The following HVCN1 variants were observed in gnomAD, a reference collection of about 807,000 sequenced individuals.
The protein encoded by HVCN1 is voltage-gated hydrogen channel 1.
Under a neutral mutation model 29.2 loss-of-function variants are expected in HVCN1, and 14 were observed. The ratio of observed to expected loss-of-function variants is 0.48; its 90% CI spans 0.32 to 0.75. The LOEUF (loss-of-function observed/expected upper bound fraction) is 0.75, where lower values mean the gene tolerates loss of function less well. Ranked by LOEUF, HVCN1 falls within the 30% of genes least tolerant of loss-of-function variation. The pLI is 0.04. For missense variants in HVCN1, 263 were observed against 341.8 expected (o/e 0.77, Z 1.82); for synonymous variants, 131 against 133.2 (o/e 0.98, Z 0.11).
chr12:110,650,356 C>A (rs954201735), intron 6 of HVCN1, 76 bp from the exon 7 acceptor site: 10 of 867,012 alleles, frequency 1.2e-5, no homozygotes, highest in Non-Finnish European at 1.7e-5. Flanking sequence ...TATTCTTACA[C>A]CTGTATAGAG....
intron 4 of HVCN1, among the ~76,000 whole-genome samples, chr12:110,656,001 A>G (rs574556729): frequency 4.3e-4 from 65 of 152,260 alleles, no homozygotes; most frequent in Non-Finnish European, 9.0e-4. Flanking sequence ...CACCGTGCCC[A>G]GGCAAGTTTG....
chr12:110,649,640 C>T (rs761012205), intron 7 of HVCN1, among the ~76,000 whole-genome samples, 165 bp from the exon 8 acceptor site: 1 of 152,088 alleles, frequency 6.6e-6, no homozygotes, highest in Non-Finnish European at 1.5e-5. Flanking sequence ...AGATAGGCTT[C>T]ACTGAGCAGC....
At chr12:110,678,896 C>T (rs889322422) in intron 3 of HVCN1, among the ~76,000 whole-genome samples, 1 of 152,200 alleles carries the variant, frequency 6.6e-6, no homozygotes, top group African/African-American at 2.4e-5. Context: ...TGGTCCAAGC[C>T]TGTGACTTCA....
chr12:110,691,733 G>A (rs958517145), upstream of HVCN1, among the ~76,000 whole-genome samples: 3 of 152,318 alleles, frequency 2.0e-5, no homozygotes, highest in African/African-American at 7.2e-5. Context: ...GCTAAGGCAA[G>A]GCAAGGCTCA....
At position 110,648,837 on chromosome 12, in the gene HVCN1, G is replaced by A. The variant is rs2067614544; in HGVS notation, c.*573C>T. The A allele has an allele frequency of 5.5e-6, 2 of 364,062 alleles. No homozygotes were observed. The highest frequency in any genetic ancestry group is 2.2e-5 in the African/African-American group (1 of 46,410). The allele number at this position is 364,062 out of a possible 1,614,324, so 22.6% of individuals were successfully genotyped here. ...AGTTGTTTTATTTTATACAGTAGTT[G>A]TACAGTAATTGAGGAAAAATGTTGT... On this transcript the variant is annotated 3_prime_UTR_variant, in exon 8 of 8. Transcript: ENST00000242607.
intron 5 of HVCN1, 66 bp downstream of exon 5, chr12:110,655,168 C>T: frequency 8.3e-7 from 1 of 1,210,970 alleles, no homozygotes. Context: ...CACTCTGCAC[C>T]CCGTCTGTGC....
At chr12:110,678,348 T>C (rs2068817133) in intron 3 of HVCN1, among the ~76,000 whole-genome samples, 1 of 151,364 alleles carries the variant, frequency 6.6e-6, no homozygotes, top group African/African-American at 2.4e-5. Context: ...ATACCCTGCA[T>C]CTCAGTACAC....
rs1272738656 is a variant in HVCN1, at chr12:110,676,219, C to T, written c.21+7006G>A. 2.0e-5 allele frequency among the ~76,000 whole-genome samples: 3 copies of T among 152,226 alleles called. No homozygotes were observed. The highest frequency in any genetic ancestry group is 4.8e-5 in the African/African-American group (2 of 41,458). Reference sequence around the variant, plus strand: ...TGATCTGCCACCTACTTCCCCCACCCTCTGCCACTGCCCTGGCCAACCCCC... The same window carrying T: ...TGATCTGCCACCTACTTCCCCCACCTTCTGCCACTGCCCTGGCCAACCCCC... On this transcript the variant is annotated intron_variant, in intron 3 of 7. Coordinates refer to ENST00000242607, the MANE Select transcript of HVCN1 (RefSeq NM_032369.4). This position sits in a 1 kb window ranked among gnomAD's most constrained non-coding sequence, Gnocchi z 4.1.
intron 2 of HVCN1, among the ~76,000 whole-genome samples, chr12:110,697,228 A>C (rs919131648): frequency 2.9e-4 from 44 of 152,068 alleles, no homozygotes; most frequent in Non-Finnish European, 5.3e-4. Context: ...CTTGGGCGTC[A>C]TCAGTGCACA....
intron 3 of HVCN1, among the ~76,000 whole-genome samples, chr12:110,667,724 C>CT (rs2068421786): frequency 6.6e-6 from 1 of 152,190 alleles, no homozygotes; most frequent in Non-Finnish European, 1.5e-5. Flanking sequence ...GAGCCCATGC[C>CT]TGACCCCATA....
intron 5 of HVCN1, among the ~76,000 whole-genome samples, chr12:110,653,903 A>C (rs569144733): frequency 6.6e-6 from 1 of 152,162 alleles, no homozygotes; most frequent in Non-Finnish European, 1.5e-5. Context: ...TATTGATCTT[A>C]TTTTAGATCT....
intron 4 of HVCN1, among the ~76,000 whole-genome samples, chr12:110,657,206 C>G (rs566528384): frequency 1.3e-5 from 2 of 152,268 alleles, no homozygotes; most frequent in Admixed American, 1.3e-4. Flanking sequence ...TTTGAAAATG[C>G]TCTGGGGCCG....
intron 2 of HVCN1, among the ~76,000 whole-genome samples, chr12:110,701,513 T>C (rs1339201962): frequency 6.6e-6 from 1 of 152,148 alleles, no homozygotes; most frequent in Non-Finnish European, 1.5e-5. Flanking sequence ...CTGAATTAGG[T>C]GACCTGGGAT....
intron 3 of HVCN1, among the ~76,000 whole-genome samples, chr12:110,666,982 A>G (rs1003023449): frequency 6.6e-6 from 1 of 152,076 alleles, no homozygotes; most frequent in Non-Finnish European, 1.5e-5. Context: ...CCTGACCTTG[A>G]GCAGAAGCCC....
upstream of HVCN1, among the ~76,000 whole-genome samples, chr12:110,691,072 T>C: frequency 6.8e-6 from 1 of 146,502 alleles, no homozygotes; most frequent in East Asian, 2.1e-4. Context: ...GGCTTTCTTT[T>C]TTCTTTTTGA....
intron 2 of HVCN1, among the ~76,000 whole-genome samples, chr12:110,683,963 T>G (rs1217169423): frequency 6.0e-5 from 9 of 149,566 alleles, no homozygotes; most frequent in Non-Finnish European, 1.2e-4. Context: ...GTATTGATAC[T>G]TATTACAATG....
At chr12:110,688,978 G>GC (rs1491097885) in intron 1 of HVCN1, 102 bp downstream of exon 1, 1 of 13,808 alleles carries the variant, frequency 7.2e-5, no homozygotes, top group East Asian at 8.0e-4. Flanking sequence ...GCGGAGATGC[G>GC]GGGGGGGGTC....
At chr12:110,669,363 G>C (rs1225092557) in intron 3 of HVCN1, among the ~76,000 whole-genome samples, 2 of 152,004 alleles carry the variant, frequency 1.3e-5, no homozygotes, top group Non-Finnish European at 2.9e-5. Flanking sequence ...ATGCCAACCT[G>C]ACTGTGTCCC....
At chr12:110,667,053 C>T (rs1057263603) in intron 3 of HVCN1, among the ~76,000 whole-genome samples, 3 of 152,158 alleles carry the variant, frequency 2.0e-5, no homozygotes, top group African/African-American at 7.2e-5. Flanking sequence ...CTCATCTCGG[C>T]CGGACCAAAC....
Sources: allele counts gnomAD v4.1 joint callset (sites outside exome capture counted in the v4.1 genomes callset), GRCh38; gene constraint gnomAD v4.1.1; non-coding constraint Gnocchi (gnomAD v3.1); transcripts MANE v1.5; gene names NCBI Gene and HGNC (gene_info 2026-07-23, HGNC 2026-07-21).